ST6GALNAC5: variants seen among roughly 807,000 people sequenced by gnomAD.
The protein encoded by ST6GALNAC5 is ST6 N-acetylgalactosaminide alpha-2,6-sialyltransferase 5.
In ST6GALNAC5, 27 loss-of-function variants were observed where a neutral mutation model predicts 33.6. That is an observed-to-expected ratio of 0.80 (90% CI 0.59 to 1.11). The LOEUF (loss-of-function observed/expected upper bound fraction) is 1.11. Ranked by LOEUF, ST6GALNAC5 falls within the 50% of genes least tolerant of loss-of-function variation. The pLI is 0.00. For synonymous variants in ST6GALNAC5, 194 were observed against 171.2 expected, an observed-to-expected ratio of 1.13 and a Z score of -1.04; for missense variants, 428 against 454.0, an observed-to-expected ratio of 0.94 and a Z score of 0.52.
chr1:77,004,946 T>C (rs1043158915), intron 2 of ST6GALNAC5, among the ~76,000 whole-genome samples: 1 of 147,844 alleles, frequency 6.8e-6, no homozygotes, highest in Non-Finnish European at 1.5e-5. Flanking sequence ...TGTCTTTTTG[T>C]TTGTCTGTGC....
chr1:77,018,924 G>A (rs969303146), intron 2 of ST6GALNAC5, among the ~76,000 whole-genome samples: 2 of 152,170 alleles, frequency 1.3e-5, no homozygotes, highest in Non-Finnish European at 2.9e-5. Context: ...GATGCAAATG[G>A]CATTTCACAA....
chr1:76,870,201 G>T (rs764460216), intron 2 of ST6GALNAC5, among the ~76,000 whole-genome samples: 2 of 152,286 alleles, frequency 1.3e-5, no homozygotes, highest in Admixed American at 6.5e-5. Context: ...TACATGCTTT[G>T]TATCTGCATG....
chr1:76,909,300 A>G (rs1457143733), intron 2 of ST6GALNAC5, among the ~76,000 whole-genome samples: 3 of 152,142 alleles, frequency 2.0e-5, no homozygotes, highest in African/African-American at 7.2e-5. Flanking sequence ...CAAAAACTGT[A>G]TAACTGCCAA....
intron 2 of ST6GALNAC5, among the ~76,000 whole-genome samples, chr1:76,900,414 A>T (rs1167562648): frequency 6.6e-6 from 1 of 152,200 alleles, no homozygotes; most frequent in Non-Finnish European, 1.5e-5. Context: ...CCAGAACTTT[A>T]TATTCTTAAC....
intron 2 of ST6GALNAC5, among the ~76,000 whole-genome samples, chr1:76,881,115 G>T (rs1653768496): frequency 6.6e-6 from 1 of 152,044 alleles, no homozygotes; most frequent in Non-Finnish European, 1.5e-5. Flanking sequence ...GAATGACAAG[G>T]AGTGATTATC....
chr1:77,033,507 CTT>C (rs1380894967), intron 2 of ST6GALNAC5, among the ~76,000 whole-genome samples: 3 of 152,282 alleles, frequency 2.0e-5, no homozygotes, highest in Admixed American at 2.0e-4. Flanking sequence ...GAACTTGCCT[CTT>C]GGGGCTGTCT....
chr1:76,940,198 G>A (rs1522613), intron 2 of ST6GALNAC5, among the ~76,000 whole-genome samples: 1 of 152,050 alleles, frequency 6.6e-6, no homozygotes, highest in Non-Finnish European at 1.5e-5. Flanking sequence ...TATGGCCGGG[G>A]CGAGCAGATA....
At chr1:76,916,883 A>AT (rs1305865728) in intron 2 of ST6GALNAC5, among the ~76,000 whole-genome samples, 1 of 152,190 alleles carries the variant, frequency 6.6e-6, no homozygotes, top group Admixed American at 6.5e-5. Flanking sequence ...CCTGTAAATT[A>AT]TTATTTGTTG....
chr1:76,971,314 A>C (rs1056805538), intron 2 of ST6GALNAC5, among the ~76,000 whole-genome samples: 14 of 152,190 alleles, frequency 9.2e-5, no homozygotes, highest in Admixed American at 2.6e-4. Flanking sequence ...GGTAGGAACC[A>C]GATGCCGGAT....
chr1:76,938,341 A>G (rs941616525), intron 2 of ST6GALNAC5, among the ~76,000 whole-genome samples: 5 of 152,112 alleles, frequency 3.3e-5, no homozygotes, highest in African/African-American at 1.2e-4. Context: ...CTGCTTTTAT[A>G]GGGAGACATG....
chr1:76,954,688 G>A (rs1647884287), intron 2 of ST6GALNAC5, among the ~76,000 whole-genome samples: 1 of 152,058 alleles, frequency 6.6e-6, no homozygotes, highest in African/African-American at 2.4e-5. Context: ...AGCCTCAGAG[G>A]GAGGAAGCAG....
intron 2 of ST6GALNAC5, among the ~76,000 whole-genome samples, chr1:76,993,961 C>A (rs1209782032): frequency 1.3e-5 from 2 of 152,082 alleles, no homozygotes; most frequent in Non-Finnish European, 2.9e-5. Context: ...TTCTCTTTCA[C>A]CTAATATTAG....
At chr1:76,891,985 G>T (rs560101709) in intron 2 of ST6GALNAC5, among the ~76,000 whole-genome samples, 109 of 152,174 alleles carry the variant, frequency 7.2e-4, no homozygotes, top group African/African-American at 2.6e-3. Flanking sequence ...TGATTATCAC[G>T]GGCCATGGCA....
intron 4 of ST6GALNAC5, among the ~76,000 whole-genome samples, chr1:77,062,502 G>A (rs1221951722): frequency 6.6e-6 from 1 of 152,136 alleles, no homozygotes; most frequent in African/African-American, 2.4e-5. Flanking sequence ...GAATCCACAA[G>A]GCTGGGTGGA....
chr1:76,868,887 G>A lies in ST6GALNAC5; in HGVS notation c.261+145G>A. The stretch of plus-strand genomic sequence containing the variant: ...GAGTGGACCCGCTGGGGTAGGGTGG[G>A]CTAGTTCCAACTTGGTATGAATTCT... On this transcript the variant is annotated intron_variant, in intron 2 of 4. Transcript: ENST00000477717. This position sits in a 1 kb window ranked among gnomAD's most constrained non-coding sequence, Gnocchi z 4.3. The A allele has an allele frequency of 7.7e-7, 1 of 1,294,460 alleles. No individual in the cohort carries two copies. The highest frequency in any genetic ancestry group is 2.8e-5 in the East Asian group (1 of 36,072). 80.2% of individuals were successfully genotyped at this position (1,294,460 alleles called of 1,614,324 possible).
chr1:76,960,292 T>A (rs557622872), intron 2 of ST6GALNAC5, among the ~76,000 whole-genome samples: 1 of 152,126 alleles, frequency 6.6e-6, no homozygotes, highest in East Asian at 1.9e-4. Flanking sequence ...CCCCGAGCCA[T>A]AAAACCAGCA....
chr1:76,897,999 T>C (rs1445840323), intron 2 of ST6GALNAC5, among the ~76,000 whole-genome samples: 5 of 152,232 alleles, frequency 3.3e-5, no homozygotes, highest in Admixed American at 6.5e-5. Context: ...CATGATGGTC[T>C]ACGGGGCTTC....
intron 2 of ST6GALNAC5, among the ~76,000 whole-genome samples, chr1:76,968,965 T>C (rs761066502): frequency 6.6e-6 from 1 of 152,198 alleles, no homozygotes; most frequent in Non-Finnish European, 1.5e-5. Flanking sequence ...ACACTGATGG[T>C]CTTCCCTTTG....
At chr1:76,887,045 CCT>C (rs1653912130) in intron 2 of ST6GALNAC5, among the ~76,000 whole-genome samples, 2 of 152,228 alleles carry the variant, frequency 1.3e-5, no homozygotes, top group South Asian at 4.1e-4. Flanking sequence ...AAAGTAACCC[CCT>C]CTTTTTTCTT....
Sources: allele counts gnomAD v4.1 joint callset (sites outside exome capture counted in the v4.1 genomes callset), GRCh38; gene constraint gnomAD v4.1.1; non-coding constraint Gnocchi (gnomAD v3.1); transcripts MANE v1.5; gene names NCBI Gene and HGNC (gene_info 2026-07-23, HGNC 2026-07-21).